The following PCSK1 variants were observed in gnomAD, a reference collection of about 807,000 sequenced individuals.
PCSK1 encodes proprotein convertase subtilisin/kexin type 1, also known as neuroendocrine convertase 1.
Under a neutral mutation model 90.6 loss-of-function variants are expected in PCSK1, and 56 were observed. The ratio of observed to expected loss-of-function variants is 0.62; its 90% CI spans 0.50 to 0.77. PCSK1 has a LOEUF of 0.77. PCSK1 is among the 30% of genes least tolerant of loss of function. The pLI is 0.00. For missense variants in PCSK1, 801 were observed against 932.6 expected, an observed-to-expected ratio of 0.86 and a Z score of 1.84; for synonymous variants, 348 against 342.4, an observed-to-expected ratio of 1.02 and a Z score of -0.18.
At chr5:96,405,787 T>A (rs113317) in intron 9 of PCSK1, among the ~76,000 whole-genome samples, 44,164 of 152,022 alleles carry the variant, frequency 0.29, 7,477 homozygotes, top group Admixed American at 0.42. Context: ...TTTCAGCTCT[T>A]ACATAAAATT....
rs1760254986 is a variant in PCSK1 at position 96,398,863 on chromosome 5, A to G, written c.1588+16T>C. Reference sequence around the variant, plus strand: ...ACACTTAAAAATATAAATGGCTTAGAACTTTTTTAATTTACCAGCAGCAGA... The same window carrying G: ...ACACTTAAAAATATAAATGGCTTAGGACTTTTTTAATTTACCAGCAGCAGA... On this transcript the variant is annotated intron_variant, in intron 11 of 13. Coordinates refer to ENST00000311106, the MANE Select transcript of PCSK1 (RefSeq NM_000439.5). 1 of 1,604,882 alleles carries G rather than the reference A, an allele frequency of 6.2e-7. No homozygotes were observed. Among genetic ancestry groups the G allele is most frequent in the African/African-American group, 1.3e-5 (1 of 74,762 alleles).
chr5:96,393,917 C>A (rs143711429), intron 13 of PCSK1, among the ~76,000 whole-genome samples: 5 of 152,258 alleles, frequency 3.3e-5, no homozygotes, highest in African/African-American at 9.6e-5. Context: ...CTCAGAGAAG[C>A]CAACCTTGGC....
At chr5:96,432,467 C>G (rs1444351850) in intron 1 of PCSK1, among the ~76,000 whole-genome samples, 2 of 152,180 alleles carry the variant, frequency 1.3e-5, no homozygotes, top group Non-Finnish European at 2.9e-5. Flanking sequence ...TGACGCAGAC[C>G]GCCTCAGTCC....
At position 96,400,082 on chromosome 5, in the gene PCSK1, A is replaced by G. The variant is rs1760300638; in HGVS notation, c.1301T>C (p.Met434Thr). 2 of 1,613,988 alleles carry G rather than the reference A, an allele frequency of 1.2e-6. No individual in the cohort carries two copies. Among genetic ancestry groups the G allele is most frequent in the African/African-American group, 1.3e-5 (1 of 74,904 alleles). ...GCCAAATCCAAATCGACTATTCACC[A>G]TCAAGCCTGCTCCATTCTTTTTCCA... is the stretch of plus-strand genomic sequence containing the variant. ...PGWKKNGAGL[M>T]VNSRFGFGLL... The change falls in exon 10 of 14, where the codon ATG (methionine) becomes ACG (threonine). Residue 434 changes from methionine to threonine, a missense_variant. Transcript: ENST00000311106.
chr5:96,416,337 C>A (rs753336231), intron 5 of PCSK1, among the ~76,000 whole-genome samples: 2 of 152,176 alleles, frequency 1.3e-5, no homozygotes, highest in Non-Finnish European at 2.9e-5. Context: ...CTGGCTTCTG[C>A]CATTCACTAA....
intron 1 of PCSK1, among the ~76,000 whole-genome samples, chr5:96,431,233 T>C (rs1448017395): frequency 6.6e-6 from 1 of 152,208 alleles, no homozygotes; most frequent in Non-Finnish European, 1.5e-5. Flanking sequence ...CCAGACTTAC[T>C]ACTAAACTGT....
intron 5 of PCSK1, among the ~76,000 whole-genome samples, chr5:96,418,125 G>A (rs1234012328): frequency 6.6e-6 from 1 of 152,204 alleles, no homozygotes; most frequent in Non-Finnish European, 1.5e-5. Flanking sequence ...TCTAGTGAGA[G>A]CTGCAGGAGG....
chr5:96,397,702 A>G (rs1274975536), intron 11 of PCSK1, among the ~76,000 whole-genome samples: 1 of 152,208 alleles, frequency 6.6e-6, no homozygotes, highest in Non-Finnish European at 1.5e-5. Context: ...GCCTCAATAA[A>G]TATTGTGGAA....
intron 6 of PCSK1, among the ~76,000 whole-genome samples, chr5:96,415,709 C>A (rs1422030970): frequency 6.6e-6 from 1 of 152,198 alleles, no homozygotes; most frequent in African/African-American, 2.4e-5. Flanking sequence ...TTTACCTCCT[C>A]CTTCTGTTTC....
intron 3 of PCSK1, among the ~76,000 whole-genome samples, chr5:96,425,068 GA>G (rs1491151812): frequency 1.9e-4 from 26 of 136,456 alleles, no homozygotes; most frequent in East Asian, 1.4e-3. Context: ...AAGAAAGAAA[GA>G]AAGAAAACGT....
At chr5:96,403,837 T>C (rs13361555) in intron 9 of PCSK1, among the ~76,000 whole-genome samples, 5,654 of 152,260 alleles carry the variant, frequency 0.037, 302 homozygotes, top group African/African-American at 0.12. Flanking sequence ...ACTTTTTTGT[T>C]GTGATTTTTT....
In PCSK1 at chr5:96,433,189, G is replaced by C. The variant is rs886060890; in HGVS notation, c.-147C>G. The C allele has an allele frequency of 2.4e-5, 18 of 765,942 alleles. No individual in the cohort carries two copies. Among genetic ancestry groups the C allele is most frequent in the South Asian group, 2.3e-4 (16 of 68,186 alleles). The allele number at this position is 765,942 out of a possible 1,614,324, so 47.4% of individuals were successfully genotyped here. A position where few individuals can be genotyped will look rare whatever the true frequency, so the allele number is the denominator to read the frequency against. ...TGCTCTGCGAAGAGCTAGGAGGCGC[G>C]AGAGGAGAGGCTGGGCGGCGGCGAG... is the stretch of plus-strand genomic sequence containing the variant. On this transcript the variant is annotated 5_prime_UTR_variant, in exon 1 of 14. Transcript: ENST00000311106.
chr5:96,423,860 C>T (rs1455001606), intron 3 of PCSK1, among the ~76,000 whole-genome samples: 1 of 152,158 alleles, frequency 6.6e-6, no homozygotes, highest in Non-Finnish European at 1.5e-5. Flanking sequence ...ATTGAGCTCT[C>T]ATTATATTGC....
chr5:96,425,044 GAAAGAAAGAAAGAAAGAAAGAA>G, intron 3 of PCSK1, among the ~76,000 whole-genome samples: 1 of 127,182 alleles, frequency 7.9e-6, no homozygotes, highest in African/African-American at 2.7e-5. Flanking sequence ...AAGAAAGAAA[GAAAGAAAGAAAGAAAGAAAGAA>G]AGAAAGAAAA....
At chr5:96,414,913 A>G (rs155970) in intron 6 of PCSK1, among the ~76,000 whole-genome samples, 44,771 of 152,132 alleles carry the variant, frequency 0.29, 7,555 homozygotes, top group Admixed American at 0.42. Context: ...TGAAAGATGC[A>G]TTACATGTCA....
Position 96,391,075 on chromosome 5 carries a change from C to T in PCSK1, c.*1926G>A, listed in dbSNP as rs574325243. On this transcript the variant is annotated 3_prime_UTR_variant, in exon 14 of 14. Transcript: ENST00000311106. ...TCTCTGGTCCTTTTTAGTTTTAATA[C>T]TTTTTGATATGCTCCAATATTGGAA... The T allele has an allele frequency of 1.3e-5, 2 of 152,372 alleles. No homozygotes were observed. Among genetic ancestry groups the T allele is most frequent in the South Asian group, 4.1e-4 (2 of 4,830 alleles). 9.4% of individuals were successfully genotyped at this position (152,372 alleles called of 1,614,324 possible).
At position 96,393,049 on chromosome 5, in the gene PCSK1, G is replaced by A. The variant is rs150203772; in HGVS notation, c.2214C>T (p.Asp738=). ...CCACCAGAGCTTGAAGCAGCCGGTC[G>A]TCTCTGTGCTTGTAAGGTTTAGTGT... The part of the protein sequence containing the change: ...FYNTKPYKHR[D]DRLLQALVDI... The change falls in exon 14 of 14, where the codon GAC becomes GAT. Residue 738 remains aspartate (D), a synonymous_variant. Coordinates refer to ENST00000311106, the MANE Select transcript of PCSK1 (RefSeq NM_000439.5). The A allele has an allele frequency of 7.5e-5, 121 of 1,614,016 alleles. 1 individual carries two copies. In the African/African-American group the frequency reaches 1.0e-3, roughly 14 times the overall value.
chr5:96,406,612 GAGATAA>G (rs1028332567), intron 9 of PCSK1, among the ~76,000 whole-genome samples: 16 of 152,196 alleles, frequency 1.1e-4, no homozygotes, highest in African/African-American at 3.6e-4. Context: ...AGGGATCCTA[GAGATAA>G]ACTGGACTCT....
chr5:96,412,357 G>T lies in PCSK1; in HGVS notation c.843C>A (p.Gly281=), dbSNP rs376803048. ...ATTCAAAAGCCTTCTGGGCTAGCCG[G>T]CCAGGCCCCTCCACAGTTTTCCCAT... ...NDDGKTVEGP[G]RLAQKAFEYG... The change falls in exon 7 of 14, where the codon GGC becomes GGA. Residue 281 remains glycine (G), a synonymous_variant. Coordinates refer to ENST00000311106, the MANE Select transcript of PCSK1 (RefSeq NM_000439.5). The T allele has an allele frequency of 6.8e-6, 11 of 1,613,958 alleles. No homozygotes were observed. The highest frequency in any genetic ancestry group is 3.3e-5 in the South Asian group (3 of 91,080).
Sources: allele counts gnomAD v4.1 joint callset (sites outside exome capture counted in the v4.1 genomes callset), GRCh38; gene constraint gnomAD v4.1.1; transcripts MANE v1.5; gene names NCBI Gene and HGNC (gene_info 2026-07-23, HGNC 2026-07-21).